The following MAP3K7 variants were observed in gnomAD, a reference collection of about 807,000 sequenced individuals.
MAP3K7 encodes TGF-beta activated kinase 1.
Under a neutral mutation model 84.8 loss-of-function variants are expected in MAP3K7, and 21 were observed. The ratio of observed to expected loss-of-function variants is 0.25; its 90% CI spans 0.18 to 0.36. The LOEUF is 0.36. Ranked by LOEUF, MAP3K7 falls within the 10% of genes least tolerant of loss-of-function variation. MAP3K7 has a pLI of 1.00. For missense variants in MAP3K7, 503 were observed against 747.7 expected (o/e 0.67, Z 3.82); for synonymous variants, 241 against 247.7 (o/e 0.97, Z 0.25).
rs763016638 is a variant in MAP3K7 at position 90,544,621 on chromosome 6, G to T, written c.1222C>A (p.Pro408Thr). 6.2e-7 allele frequency: 1 copy of T among 1,612,310 alleles called. No homozygotes were observed. The highest frequency in any genetic ancestry group is 2.2e-5 in the East Asian group (1 of 44,816). The stretch of plus-strand genomic sequence containing the variant: ...GCAGTTTTACGGTGGCCCCGTTTAG[G>T]CTTGGAATAGGCTGCAAAAACACAT... The part of the protein sequence containing the change: ...RIAATTAYSK[P>T]KRGHRKTASF... The change falls in exon 12 of 17, where the codon CCT (proline) becomes ACT (threonine). Residue 408 changes from proline (P) to threonine (T), a missense_variant. This residue lies in a region of MAP3K7 where 286 missense variants were observed against 313.6 expected (regional missense o/e 0.91). Transcript: ENST00000369329.
intron 3 of MAP3K7, among the ~76,000 whole-genome samples, chr6:90,564,598 T>TA (rs1003069091): frequency 1.3e-5 from 2 of 152,178 alleles, no homozygotes; most frequent in Admixed American, 6.5e-5. Context: ...CAAAGAGACT[T>TA]AGACTCCCAT....
intron 1 of MAP3K7, among the ~76,000 whole-genome samples, chr6:90,578,517 T>C (rs1257298831): frequency 6.6e-6 from 1 of 152,146 alleles, no homozygotes; most frequent in Admixed American, 6.5e-5. Context: ...TCAGGCGATC[T>C]GCCTGGGTTG....
Position 90,586,892 on chromosome 6 carries a change from G to A in MAP3K7, c.-9C>T, listed in dbSNP as rs1777481583. ...GCAGAGGCTGTAGACATGATCCCTCGCGGCGCCCGGTGGGGCCGGGAACGG... is the reference window on the plus strand; with the variant it reads ...GCAGAGGCTGTAGACATGATCCCTCACGGCGCCCGGTGGGGCCGGGAACGG... On this transcript the variant is annotated 5_prime_UTR_variant, in exon 1 of 17. Transcript: ENST00000369329. 2 of 1,601,546 alleles carry A rather than the reference G, an allele frequency of 1.2e-6. No homozygotes were observed. The highest frequency in any genetic ancestry group is 2.3e-5 in the East Asian group (1 of 43,408).
At chr6:90,542,284 C>G (rs1582188108) in intron 12 of MAP3K7, 8 of 983,944 alleles carry the variant, frequency 8.1e-6, no homozygotes, top group Non-Finnish European at 9.7e-6. Flanking sequence ...TTTATGTCCA[C>G]TAGTGTCAAT....
intron 1 of MAP3K7, among the ~76,000 whole-genome samples, chr6:90,579,302 G>A (rs903585942): frequency 2.0e-5 from 3 of 152,128 alleles, no homozygotes; most frequent in Non-Finnish European, 4.4e-5. Flanking sequence ...TGTATAAAGG[G>A]CTTATGGCAG....
rs1034916588 is a variant in MAP3K7 at position 90,515,804 on chromosome 6, T to C, written c.*697A>G. On this transcript the variant is annotated 3_prime_UTR_variant, in exon 17 of 17. Transcript: ENST00000369329. ...TCACAGAATTAAAAATCTTTACTCC[T>C]TAAAAAAAAATGAGTTCCATTTTGT... The C allele has an allele frequency of 2.6e-5, 4 of 151,956 alleles. No individual in the cohort carries two copies. The highest frequency in any genetic ancestry group is 9.7e-5 in the African/African-American group (4 of 41,402). 9.4% of individuals were successfully genotyped at this position (151,956 alleles called of 1,614,324 possible).
At position 90,536,234 on chromosome 6, in the gene MAP3K7, C is replaced by G. The variant is rs889245686; in HGVS notation, c.1356+103G>C. 3 of 835,528 alleles carry G rather than the reference C, an allele frequency of 3.6e-6. No individual in the cohort carries two copies. In the African/African-American group the frequency reaches 5.1e-5, roughly 14 times the overall value. 51.8% of individuals were successfully genotyped at this position (835,528 alleles called of 1,614,324 possible). ...GGTGCAATGAATTTCTCTATCACAA[C>G]TTTAGGTCAACTCATAAAACTAATT... On this transcript the variant is annotated intron_variant, in intron 13 of 16. Coordinates refer to ENST00000369329, the MANE Select transcript of MAP3K7 (RefSeq NM_145331.3).
chr6:90,560,329 C>T (rs752081029), intron 4 of MAP3K7, 115 bp from the exon 5 acceptor site: 219 of 1,003,110 alleles, frequency 2.2e-4, no homozygotes, highest in Middle Eastern at 1.7e-3. Context: ...TATACATATG[C>T]TCCATCAGTC....
chr6:90,520,158 A>G (rs1456326381), intron 14 of MAP3K7, among the ~76,000 whole-genome samples: 1 of 152,028 alleles, frequency 6.6e-6, no homozygotes, highest in Non-Finnish European at 1.5e-5. Context: ...AGACTTTTCT[A>G]CTTCAGAAGT....
At position 90,582,298 on chromosome 6, in the gene MAP3K7, T is replaced by C. The variant is rs556804522; in HGVS notation, c.120+4466A>G. 5.3e-5 allele frequency among the ~76,000 whole-genome samples: 8 copies of C among 152,358 alleles called. No homozygotes were observed. The South Asian group carries it at 1.4e-3, about 28-fold the overall frequency. ...TCAGCTCCTATTTTATCACATGTAA[T>C]ATAAGAGAACAAGATGGGCATTTAA... On this transcript the variant is annotated intron_variant, in intron 1 of 16. Transcript: ENST00000369329.
Position 90,565,540 on chromosome 6 carries a change from A to G in MAP3K7, c.297+3018T>C, listed in dbSNP as rs774842786. Among the ~76,000 whole-genome samples, 9 of 151,990 alleles carry G rather than the reference A, an allele frequency of 5.9e-5. No homozygotes were observed. In the East Asian group the frequency reaches 1.3e-3, roughly 23 times the overall value. On this transcript the variant is annotated intron_variant, in intron 3 of 16. Coordinates refer to ENST00000369329, the MANE Select transcript of MAP3K7 (RefSeq NM_145331.3). ...AGAAGTTGAATCCCTGAATAGACCA[A>G]TAACAGGCTCTGAAATTGAGGCAAT...
At chr6:90,544,474 CAAG>C (rs1050753827) in intron 12 of MAP3K7, 75 bp downstream of exon 12, 9 of 1,279,750 alleles carry the variant, frequency 7.0e-6, no homozygotes, top group Non-Finnish European at 9.1e-6. Context: ...AAAATTGGAG[CAAG>C]AAGCATTTTA....
At chr6:90,552,497 C>CAGCT (rs1446918228) in intron 7 of MAP3K7, among the ~76,000 whole-genome samples, 5 of 152,188 alleles carry the variant, frequency 3.3e-5, no homozygotes, top group African/African-American at 1.2e-4. Context: ...CTGGTAAAAA[C>CAGCT]AGCTAAGATT....
intron 3 of MAP3K7, among the ~76,000 whole-genome samples, chr6:90,567,625 A>G (rs1314933509): frequency 6.6e-6 from 1 of 152,222 alleles, no homozygotes; most frequent in East Asian, 1.9e-4. Flanking sequence ...GGGACTGTAA[A>G]CTAGTTCAGC....
At chr6:90,518,193 AAT>A (rs1775032301) in intron 16 of MAP3K7, among the ~76,000 whole-genome samples, 1 of 151,776 alleles carries the variant, frequency 6.6e-6, no homozygotes, top group Non-Finnish European at 1.5e-5. Context: ...TCTTTATAAT[AAT>A]AAGTCTAAAC....
At chr6:90,523,581 A>G in intron 14 of MAP3K7, 97 bp downstream of exon 14, 1 of 730,114 alleles carries the variant, frequency 1.4e-6, no homozygotes. Flanking sequence ...ACAACAGTAT[A>G]ATGCCTGCCT....
chr6:90,574,976 G>A (rs972116140), intron 1 of MAP3K7, among the ~76,000 whole-genome samples: 1 of 152,098 alleles, frequency 6.6e-6, no homozygotes, highest in Non-Finnish European at 1.5e-5. Context: ...GAAATGACAG[G>A]ATCTAAAGTT....
chr6:90,533,197 T>C (rs1378673776), intron 13 of MAP3K7, among the ~76,000 whole-genome samples: 1 of 152,198 alleles, frequency 6.6e-6, no homozygotes, highest in African/African-American at 2.4e-5. Context: ...GAAGCTGTTA[T>C]TACTTTAGTT....
At chr6:90,563,769 G>A (rs913370358) in intron 3 of MAP3K7, among the ~76,000 whole-genome samples, 5 of 152,174 alleles carry the variant, frequency 3.3e-5, no homozygotes, top group African/African-American at 1.2e-4. Flanking sequence ...ATAATCGTCA[G>A]ATTCACCAAA....
Sources: allele counts gnomAD v4.1 joint callset (sites outside exome capture counted in the v4.1 genomes callset), GRCh38; gene constraint gnomAD v4.1.1; regional missense constraint gnomAD v4.1.1; transcripts MANE v1.5; gene names NCBI Gene and HGNC (gene_info 2026-07-23, HGNC 2026-07-21).